KCNH5: variants seen among roughly 807,000 people sequenced by gnomAD.
KCNH5 encodes potassium voltage-gated channel subfamily H member 5, also known as voltage-gated delayed rectifier potassium channel KCNH5.
A neutral mutation model predicts 96.1 loss-of-function variants in KCNH5; 46 were observed. The ratio of observed to expected loss-of-function variants is 0.48; its 90% CI spans 0.38 to 0.61. The LOEUF (loss-of-function observed/expected upper bound fraction) is 0.61, where lower values mean the gene tolerates loss of function less well. Among genes scored for constraint, KCNH5 ranks in the 20% least tolerant of loss-of-function variants. The probability of loss-of-function intolerance (pLI) is 0.00; values close to 1 mark genes in which losing one functional copy is unlikely to be tolerated. For missense variants in KCNH5, 907 were observed against 1,225.8 expected (o/e 0.74, Z 3.88); for synonymous variants, 439 against 449.8 (o/e 0.98, Z 0.30).
chr14:62,823,268 A>C (rs543542296), intron 8 of KCNH5, among the ~76,000 whole-genome samples: 1 of 152,010 alleles, frequency 6.6e-6, no homozygotes, highest in Non-Finnish European at 1.5e-5. Context: ...ATCTTATCCT[A>C]CTCACTTCCA....
chr14:62,976,960 G>C (rs1890511825), intron 6 of KCNH5, among the ~76,000 whole-genome samples: 2 of 152,116 alleles, frequency 1.3e-5, no homozygotes, highest in Admixed American at 1.3e-4. Context: ...TAAGAACATA[G>C]AAAACATAAA....
chr14:62,883,872 C>T (rs749593545), intron 7 of KCNH5, among the ~76,000 whole-genome samples: 134 of 152,070 alleles, frequency 8.8e-4, no homozygotes, highest in Admixed American at 2.8e-3. Context: ...CTTTAAGCCA[C>T]AGAGGCAAAG....
chr14:63,042,078 G>T (rs953225585), intron 1 of KCNH5, among the ~76,000 whole-genome samples: 16 of 152,120 alleles, frequency 1.1e-4, no homozygotes, highest in African/African-American at 3.4e-4. Context: ...ATAAATGTCT[G>T]ACATTTTCTC....
At chr14:62,891,887 C>T in intron 7 of KCNH5, among the ~76,000 whole-genome samples, 1 of 152,138 alleles carries the variant, frequency 6.6e-6, no homozygotes, top group East Asian at 1.9e-4. Context: ...TGAACTTAAT[C>T]AATAAATGTT....
chr14:62,802,626 G>C (rs778754201), intron 8 of KCNH5, 45 bp from the exon 9 acceptor site: 1 of 1,595,326 alleles, frequency 6.3e-7, no homozygotes, highest in African/African-American at 1.3e-5. Context: ...AAGAGGAAGG[G>C]GCCACTTCAG....
At chr14:62,928,668 T>C (rs982490923) in intron 7 of KCNH5, among the ~76,000 whole-genome samples, 4 of 152,024 alleles carry the variant, frequency 2.6e-5, no homozygotes, top group African/African-American at 9.7e-5. Flanking sequence ...CAATGATCAA[T>C]TCCCAGATTT....
chr14:62,899,493 C>T (rs1032417312), intron 7 of KCNH5, among the ~76,000 whole-genome samples: 19 of 152,010 alleles, frequency 1.2e-4, no homozygotes, highest in Non-Finnish European at 2.1e-4. Context: ...ATAATGTATA[C>T]ACTTCTATCA....
At chr14:62,711,537 T>C (rs1259371033) in intron 10 of KCNH5, among the ~76,000 whole-genome samples, 2 of 152,082 alleles carry the variant, frequency 1.3e-5, no homozygotes, top group South Asian at 2.1e-4. Flanking sequence ...TAAACATAGC[T>C]CCCTTGAGGT....
At chr14:62,719,327 T>C (rs1884755674) in intron 10 of KCNH5, among the ~76,000 whole-genome samples, 1 of 152,238 alleles carries the variant, frequency 6.6e-6, no homozygotes, top group African/African-American at 2.4e-5. Context: ...GCCCTGCATA[T>C]CTGCACAGGT....
chr14:62,873,927 C>T (rs1543437), intron 7 of KCNH5, among the ~76,000 whole-genome samples: 16,699 of 152,062 alleles, frequency 0.11, 1,141 homozygotes, highest in East Asian at 0.27. Context: ...AATTATGATC[C>T]CAGGCTTGCA....
chr14:62,732,598 A>G (rs1053912583), intron 10 of KCNH5, among the ~76,000 whole-genome samples: 6 of 152,068 alleles, frequency 3.9e-5, no homozygotes, highest in Non-Finnish European at 7.4e-5. Flanking sequence ...GAATATATTT[A>G]CCCTATCCAG....
At chr14:62,954,024 T>A (rs1012629981) in intron 6 of KCNH5, among the ~76,000 whole-genome samples, 1 of 152,240 alleles carries the variant, frequency 6.6e-6, no homozygotes, top group Non-Finnish European at 1.5e-5. Context: ...CCTACCTACC[T>A]GCTCAGCATC....
chr14:62,988,532 A>G (rs955429685), intron 4 of KCNH5, among the ~76,000 whole-genome samples: 1 of 152,124 alleles, frequency 6.6e-6, no homozygotes, highest in African/African-American at 2.4e-5. Flanking sequence ...AGGTCTATGT[A>G]TCAATAACTG....
chr14:63,008,804 T>C (rs1891173230), intron 2 of KCNH5, among the ~76,000 whole-genome samples: 1 of 152,034 alleles, frequency 6.6e-6, no homozygotes, highest in Non-Finnish European at 1.5e-5. Context: ...TTCATAAAAA[T>C]TGCTTGAAGG....
intron 1 of KCNH5, among the ~76,000 whole-genome samples, chr14:63,044,673 G>T (rs528226108): frequency 9.8e-5 from 15 of 152,292 alleles, no homozygotes; most frequent in African/African-American, 3.1e-4. Context: ...TTTAAATCTT[G>T]TTAAGTAGCC....
chr14:62,942,779 T>C (rs1889812444), intron 7 of KCNH5, among the ~76,000 whole-genome samples: 1 of 152,242 alleles, frequency 6.6e-6, no homozygotes, highest in African/African-American at 2.4e-5. Flanking sequence ...ATTAGCATCA[T>C]TATGACAGGG....
chr14:62,799,198 A>T (rs1886597896), intron 9 of KCNH5, among the ~76,000 whole-genome samples: 1 of 152,198 alleles, frequency 6.6e-6, no homozygotes, highest in South Asian at 2.1e-4. Flanking sequence ...ACCACAAGAG[A>T]TGCAAGGAGA....
intron 10 of KCNH5, among the ~76,000 whole-genome samples, chr14:62,717,557 GA>G (rs955388310): frequency 6.6e-5 from 10 of 152,012 alleles, no homozygotes; most frequent in Non-Finnish European, 1.3e-4. Context: ...ATAATCTTTT[GA>G]AAAAATGATA....
rs372891251 is a variant in KCNH5 at position 62,811,343 on chromosome 14, G to T, written c.1570-8762C>A. Among the ~76,000 whole-genome samples the T allele has an allele frequency of 2.4e-4, 36 of 152,194 alleles. 1 individual carries two copies. The highest frequency in any genetic ancestry group is 8.4e-4 in the African/African-American group (35 of 41,552). On this transcript the variant is annotated intron_variant, in intron 8 of 10. Coordinates refer to ENST00000322893, the MANE Select transcript of KCNH5 (RefSeq NM_139318.5). Reference sequence around the variant, plus strand: ...ACAGGGCTCTTTATGGTGGAATCCTGCTCCAATCTTACTACCGTCCTCCAA... The same window carrying T: ...ACAGGGCTCTTTATGGTGGAATCCTTCTCCAATCTTACTACCGTCCTCCAA...
Sources: allele counts gnomAD v4.1 joint callset (sites outside exome capture counted in the v4.1 genomes callset), GRCh38; gene constraint gnomAD v4.1.1; transcripts MANE v1.5; gene names NCBI Gene and HGNC (gene_info 2026-07-23, HGNC 2026-07-21).